Variants in ZNF558 observed in about 807,000 individuals in gnomAD.
ZNF558 encodes zinc finger protein 558.
ZNF558 carries 23 observed loss-of-function variants against 37.6 expected under a neutral mutation model. That is an observed-to-expected ratio of 0.61 (90% CI 0.44 to 0.87). The LOEUF (loss-of-function observed/expected upper bound fraction) is 0.87, where lower values mean the gene tolerates loss of function less well. ZNF558 is among the 40% of genes least tolerant of loss of function. ZNF558 has a pLI of 0.00. For synonymous variants in ZNF558, 189 were observed against 174.4 expected (o/e 1.08, Z -0.66); for missense variants, 429 against 483.7 (o/e 0.89, Z 1.06).
intron 7 of ZNF558, among the ~76,000 whole-genome samples, chr19:8,820,093 G>A (rs2044044882): frequency 6.6e-6 from 1 of 152,182 alleles, no homozygotes. Flanking sequence ...ACAAGAACGA[G>A]ATAGCACTTC....
At chr19:8,819,895 C>T (rs117325231) in intron 7 of ZNF558, among the ~76,000 whole-genome samples, 2,092 of 152,220 alleles carry the variant, frequency 0.014, 22 homozygotes, top group Non-Finnish European at 0.022. Context: ...GAGCCGAGAT[C>T]GTGCTGCGCC....
At chr19:8,829,172 C>G (rs919466903) in intron 2 of ZNF558, among the ~76,000 whole-genome samples, 2 of 151,300 alleles carry the variant, frequency 1.3e-5, no homozygotes, top group African/African-American at 4.9e-5. Context: ...TGCGGCAGAA[C>G]TGCTTGAACC....
intron 2 of ZNF558, among the ~76,000 whole-genome samples, chr19:8,826,574 G>A (rs2044236666): frequency 6.6e-6 from 1 of 152,118 alleles, no homozygotes; most frequent in Non-Finnish European, 1.5e-5. Context: ...AGGAGGTGGA[G>A]CTCAGGTGGT....
chr19:8,812,006 T>C lies in ZNF558; in HGVS notation c.484A>G (p.Ser162Gly). 1 of 1,613,008 alleles carries C rather than the reference T, an allele frequency of 6.2e-7. No homozygotes were observed. The highest frequency in any genetic ancestry group is 8.5e-7 in the Non-Finnish European group (1 of 1,179,414). ...NECNQCFKVF[S>G]TKSNLTQHKR... The stretch of plus-strand genomic sequence containing the variant: ...TGCTGAGTTAGGTTAGATTTCGTGC[T>C]GAAGACTTTAAAACACTGATTACAT... Residue 162 changes from serine (S) to glycine (G), a missense_variant, in exon 10 of 10, where the codon AGC (serine) becomes GGC (glycine). Physicochemically the swap from Ser to Gly is moderately conservative, Grantham distance 56. Transcript: ENST00000601372.
At chr19:8,813,671 A>G (rs2043856085) in intron 7 of ZNF558, among the ~76,000 whole-genome samples, 1 of 152,174 alleles carries the variant, frequency 6.6e-6, no homozygotes, top group Non-Finnish European at 1.5e-5. Context: ...TGCCAATTAT[A>G]CCTTAATTCT....
chr19:8,810,471 T>A lies in ZNF558; in HGVS notation c.*810A>T, dbSNP rs1435113637. ...AGCACTGAAGGCTTTCTACAGCTGT[T>A]CCATTCTTCAGGATTCTCTCAGTAC... On this transcript the variant is annotated 3_prime_UTR_variant, in exon 10 of 10. Coordinates refer to ENST00000601372, the MANE Select transcript of ZNF558 (RefSeq NM_144693.3). 1.3e-5 allele frequency: 2 copies of A among 152,184 alleles called. No homozygotes were observed. The highest frequency in any genetic ancestry group is 4.8e-5 in the African/African-American group (2 of 41,442). 9.4% of individuals were successfully genotyped at this position (152,184 alleles called of 1,614,324 possible). A position where few individuals can be genotyped will look rare whatever the true frequency, so the allele number is the denominator to read the frequency against.
chr19:8,825,290 G>C lies in ZNF558; in HGVS notation c.-508-182C>G, dbSNP rs192346512. Among the ~76,000 whole-genome samples, 7 of 152,334 alleles carry C rather than the reference G, an allele frequency of 4.6e-5. No individual in the cohort carries two copies. The East Asian group carries it at 1.4e-3, about 29-fold the overall frequency. On this transcript the variant is annotated intron_variant, in intron 2 of 9. Transcript: ENST00000601372. ...AAAACACCACAAGTGACCATCAGTA[G>C]GGGATTGGGTGAATAAACTATGTGA...
At chr19:8,827,134 G>T (rs2967734) in intron 2 of ZNF558, among the ~76,000 whole-genome samples, 94,407 of 149,170 alleles carry the variant, frequency 0.63, 30,229 homozygotes, top group Middle Eastern at 0.78. Context: ...AGGACAGGAG[G>T]GGTCTCTTCA....
At position 8,822,053 on chromosome 19, in the gene ZNF558, G is replaced by A. The variant is rs751528655; in HGVS notation, c.70C>T (p.His24Tyr). The A allele has an allele frequency of 2.5e-6, 4 of 1,613,968 alleles. No homozygotes were observed. In the African/African-American group the frequency reaches 5.3e-5, roughly 22 times the overall value. The change falls in exon 6 of 10, where the codon CAC becomes TAC. Residue 24 changes from histidine (H) to tyrosine (Y), a missense_variant. By Grantham distance (83) the His-to-Tyr change is moderately conservative. Coordinates refer to ENST00000601372, the MANE Select transcript of ZNF558 (RefSeq NM_144693.3). The surrounding 1 kb of genome is among the most constrained non-coding windows in gnomAD (Gnocchi z 4.4). ...SLFPASQQKG[H>Y]TQGGELVNEL... ...TTAACCAGCTCTCCGCCCTGTGTGT[G>A]TCCTTTTTGCTGAGAGGCTGGGAAC...
chr19:8,811,346 C>T lies in ZNF558; in HGVS notation c.1144G>A (p.Gly382Arg). The T allele has an allele frequency of 6.2e-7, 1 of 1,612,260 alleles. No individual in the cohort carries two copies. The highest frequency in any genetic ancestry group is 8.5e-7 in the Non-Finnish European group (1 of 1,179,234). The part of the protein sequence containing the change: ...GEKPYECNHC[G>R]KSFTSNSYLS... ...TAGGAGTTACTTGTGAAGGATTTCC[C>T]ACAATGATTACATTCATAGGGTTTT... The change falls in exon 10 of 10, where the codon GGG (glycine) becomes AGG (arginine). Residue 382 changes from glycine (G) to arginine (R), a missense_variant. Gly to Arg is a moderately radical substitution (Grantham distance 125). Coordinates refer to ENST00000601372, the MANE Select transcript of ZNF558 (RefSeq NM_144693.3).
In ZNF558 at chr19:8,809,962, C is replaced by T. The variant is rs250317; in HGVS notation, c.*1319G>A. The stretch of plus-strand genomic sequence containing the variant: ...CTAGGGGTTTCTCCATATAAGTTCT[C>T]TCATATACAAGAAAGAGAAGAATCA... On this transcript the variant is annotated 3_prime_UTR_variant, in exon 10 of 10. Coordinates refer to ENST00000601372, the MANE Select transcript of ZNF558 (RefSeq NM_144693.3). The T allele has an allele frequency of 2.4e-4, 36 of 152,216 alleles. No homozygotes were observed. The East Asian group carries it at 4.3e-3, about 18-fold the overall frequency. The allele number at this position is 152,216 out of a possible 1,614,324, so 9.4% of individuals were successfully genotyped here. A position where few individuals can be genotyped will look rare whatever the true frequency, so the allele number is the denominator to read the frequency against.
chr19:8,813,242 AC>A lies in ZNF558; in HGVS notation c.248-21del. ...GACACCCTATTTATGGAAACAATAC[AC>A]ATGATATAGGTAACAGTGCTGGGGA... On this transcript the variant is annotated intron_variant, in intron 7 of 9. Coordinates refer to ENST00000601372, the MANE Select transcript of ZNF558 (RefSeq NM_144693.3). 6.4e-7 allele frequency: 1 copy of A among 1,556,714 alleles called. No individual in the cohort carries two copies. The highest frequency in any genetic ancestry group is 8.7e-7 in the Non-Finnish European group (1 of 1,144,234).
At chr19:8,831,113 C>T (rs1599300250) in intron 2 of ZNF558, 2 of 152,122 alleles carry the variant, frequency 1.3e-5, no homozygotes, top group African/African-American at 2.4e-5. Flanking sequence ...TTTGTGGATA[C>T]TTATTTGCAT....
rs1235254140 is a variant in ZNF558 at position 8,810,999 on chromosome 19, T to C, written c.*282A>G. 1 of 300,490 alleles carries C rather than the reference T, an allele frequency of 3.3e-6. No individual in the cohort carries two copies. The highest frequency in any genetic ancestry group is 6.2e-6 in the Non-Finnish European group (1 of 162,080). 18.6% of individuals were successfully genotyped at this position (300,490 alleles called of 1,614,324 possible). A position where few individuals can be genotyped will look rare whatever the true frequency, so the allele number is the denominator to read the frequency against. ...ATAAGTCATCTTGGAAGTGGACTGT[T>C]CATCAGTAAAGATGTTAGATGACTA... On this transcript the variant is annotated 3_prime_UTR_variant, in exon 10 of 10. Transcript: ENST00000601372.
intron 7 of ZNF558, among the ~76,000 whole-genome samples, chr19:8,820,917 T>C (rs769537129): frequency 2.0e-5 from 3 of 151,916 alleles, no homozygotes; most frequent in Non-Finnish European, 2.9e-5. Context: ...CCAGCAGCAG[T>C]GGGTAGGGAA....
upstream of ZNF558, among the ~76,000 whole-genome samples, chr19:8,833,819 C>G (rs1599306169): frequency 6.6e-6 from 1 of 152,112 alleles, no homozygotes; most frequent in Non-Finnish European, 1.5e-5. Context: ...GAAACCCCGT[C>G]TCTACTAAAA....
chr19:8,814,583 C>A (rs782083751), intron 7 of ZNF558, among the ~76,000 whole-genome samples: 3 of 152,208 alleles, frequency 2.0e-5, no homozygotes, highest in Middle Eastern at 3.4e-3. Context: ...TGGGAGCATG[C>A]CCAGAAAATA....
In ZNF558 at chr19:8,824,321, C is replaced by A. The variant is rs1247823399; in HGVS notation, c.-305G>T. The A allele has an allele frequency of 6.6e-6, 1 of 152,172 alleles. No individual in the cohort carries two copies. The highest frequency in any genetic ancestry group is 1.5e-5 in the Non-Finnish European group (1 of 68,098). 9.4% of individuals were successfully genotyped at this position (152,172 alleles called of 1,614,324 possible). A position where few individuals can be genotyped will look rare whatever the true frequency, so the allele number is the denominator to read the frequency against. ...TCTGACTCGCAGGCCATGGAGTGGC[C>A]CCCGGTACCCGTTGAGCCTTCAGAT... On this transcript the variant is annotated 5_prime_UTR_variant, in exon 4 of 10. Transcript: ENST00000601372.
chr19:8,822,216 T>G lies in ZNF558; in HGVS notation c.32-125A>C, dbSNP rs1236116850. ...GGCACCACACAGTGCCCACCTACGC[T>G]CCATGCAAACACCTACCCACAGCTC... On this transcript the variant is annotated intron_variant, in intron 5 of 9. Coordinates refer to ENST00000601372, the MANE Select transcript of ZNF558 (RefSeq NM_144693.3). The surrounding 1 kb of genome is among the most constrained non-coding windows in gnomAD (Gnocchi z 4.4). The G allele has an allele frequency of 4.3e-6, 5 of 1,171,590 alleles. No individual in the cohort carries two copies. In the Admixed American group the frequency reaches 1.2e-4, roughly 27 times the overall value. The allele number at this position is 1,171,590 out of a possible 1,614,324, so 72.6% of individuals were successfully genotyped here.
Sources: allele counts gnomAD v4.1 joint callset (sites outside exome capture counted in the v4.1 genomes callset), GRCh38; gene constraint gnomAD v4.1.1; non-coding constraint Gnocchi (gnomAD v3.1); transcripts MANE v1.5; gene names NCBI Gene and HGNC (gene_info 2026-07-23, HGNC 2026-07-21).